The following SLC9A5 variants were observed in gnomAD, a reference collection of about 807,000 sequenced individuals.
SLC9A5 encodes the protein sodium/hydrogen exchanger 5.
In SLC9A5, 52 loss-of-function variants were observed where a neutral mutation model predicts 91.7. That is an observed-to-expected ratio of 0.57 (90% confidence interval 0.45 to 0.71). The LOEUF (loss-of-function observed/expected upper bound fraction) is 0.71, where lower values mean the gene tolerates loss of function less well. Among genes scored for constraint, SLC9A5 ranks in the 30% least tolerant of loss-of-function variants. SLC9A5 has a pLI of 0.00. For synonymous variants in SLC9A5, 419 were observed against 474.5 expected (o/e 0.88, Z 1.52); for missense variants, 871 against 1,158.9 (o/e 0.75, Z 3.61).
rs988412834 is a variant in SLC9A5 at position 67,270,636 on chromosome 16, T to C, written c.2219-102T>C. 1.2e-6 allele frequency: 1 copy of C among 853,914 alleles called. No homozygotes were observed. The highest frequency in any genetic ancestry group is 2.9e-5 in the Admixed American group (1 of 33,940). The allele number at this position is 853,914 out of a possible 1,614,324, so 52.9% of individuals were successfully genotyped here. A position where few individuals can be genotyped will look rare whatever the true frequency, so the allele number is the denominator to read the frequency against. On this transcript the variant is annotated intron_variant, in intron 15 of 15. Coordinates refer to ENST00000299798, the MANE Select transcript of SLC9A5 (RefSeq NM_004594.3). This position sits in a 1 kb window ranked among gnomAD's most constrained non-coding sequence, Gnocchi z 4.3. The stretch of plus-strand genomic sequence containing the variant: ...GACATTCATCCGATAATCGCAAAAA[T>C]GGACGGCATATGGAAACTGTGGCAT...
rs1400713979 is a variant in SLC9A5, at chr16:67,270,785, A to G, written c.2266A>G (p.Thr756Ala). Residue 756 changes from threonine (T) to alanine (A), a missense_variant, in exon 16 of 16, where the codon ACC (threonine) becomes GCC (alanine). Coordinates refer to ENST00000299798, the MANE Select transcript of SLC9A5 (RefSeq NM_004594.3). This position sits in a 1 kb window ranked among gnomAD's most constrained non-coding sequence, Gnocchi z 4.3. ...PSPRIIPPSP[T>A]CAEKELPWKS... is the part of the protein sequence containing the mutation. ...CCCACGAATCATTCCCCCCTCCCCA[A>G]CCTGTGCAGAAAAGGAGCTCCCCTG... The G allele has an allele frequency of 1.9e-6, 3 of 1,613,558 alleles. No individual in the cohort carries two copies. Among genetic ancestry groups the G allele is most frequent in the Admixed American group, 1.7e-5 (1 of 59,952 alleles).
At position 67,258,050 on chromosome 16, in the gene SLC9A5, A is replaced by G. The variant is rs1449171274; in HGVS notation, c.1497-268A>G. 1.3e-5 allele frequency among the ~76,000 whole-genome samples: 2 copies of G among 152,232 alleles called. No homozygotes were observed. The highest frequency in any genetic ancestry group is 2.4e-5 in the African/African-American group (1 of 41,468). ...TCCCTGGCCTCCCTGGCTAGGACGT[A>G]TCTGTGTCATATTCTCTAATTATCC... On this transcript the variant is annotated intron_variant, in intron 9 of 15. Coordinates refer to ENST00000299798, the MANE Select transcript of SLC9A5 (RefSeq NM_004594.3). This position sits in a 1 kb window ranked among gnomAD's most constrained non-coding sequence, Gnocchi z 4.5.
At chr16:67,254,298 T>C (rs2035232161) in intron 2 of SLC9A5, among the ~76,000 whole-genome samples, 1 of 152,228 alleles carries the variant, frequency 6.6e-6, no homozygotes, top group African/African-American at 2.4e-5. Flanking sequence ...GAAAGCACTC[T>C]CTTTTGTTAT....
chr16:67,264,615 C>A, intron 13 of SLC9A5, 93 bp downstream of exon 13: 2 of 1,333,664 alleles, frequency 1.5e-6, no homozygotes, highest in East Asian at 2.3e-5. Context: ...TTAGGGGGAA[C>A]CCCAGTTGGG....
At position 67,257,432 on chromosome 16, in the gene SLC9A5, C is replaced by T. The variant is rs774178473; in HGVS notation, c.1423C>T (p.His475Tyr). ...CACCCTGAACCAGGAGCTGCATGAA[C>T]ACGTGGGTATCAGAACCCCAGCCCT... ...KPTLNQELHE[H>Y]TFDHILAAVE... The change falls in exon 8 of 16, where the codon CAC (histidine) becomes TAC (tyrosine). Residue 475 changes from histidine to tyrosine, a missense_variant and splice_region_variant. Physicochemically the swap from His to Tyr is moderately conservative, Grantham distance 83. Around this residue, in one of 3 missense-constraint regions of SLC9A5, gnomAD observed 454 missense variants for 718.3 expected, o/e 0.63. Transcript: ENST00000299798. The surrounding 1 kb of genome is among the most constrained non-coding windows in gnomAD (Gnocchi z 5.1). 8.7e-6 allele frequency: 14 copies of T among 1,614,092 alleles called. No homozygotes were observed. In the South Asian group the frequency reaches 1.5e-4, roughly 18 times the overall value.
intron 15 of SLC9A5, among the ~76,000 whole-genome samples, chr16:67,267,025 A>C (rs1597364135): frequency 7.7e-6 from 1 of 130,216 alleles, no homozygotes; most frequent in African/African-American, 3.0e-5. Flanking sequence ...TGATCCTCCC[A>C]CCTCAGCTTC....
Position 67,271,278 on chromosome 16 carries a change from GC to G in SLC9A5, c.*71del. 7.2e-7 allele frequency: 1 copy of G among 1,398,590 alleles called. No homozygotes were observed. Among genetic ancestry groups the G allele is most frequent in the Non-Finnish European group, 9.8e-7 (1 of 1,018,906 alleles). 86.6% of individuals were successfully genotyped at this position (1,398,590 alleles called of 1,614,324 possible). A position where few individuals can be genotyped will look rare whatever the true frequency, so the allele number is the denominator to read the frequency against. On this transcript the variant is annotated 3_prime_UTR_variant, in exon 16 of 16. Transcript: ENST00000299798. Reference sequence around the variant, plus strand: ...AAGTGCTCCCTGGGTGATGGGTAGAGCCCTCGAAACTTGACATGGGGCCAGA... The same window carrying G: ...AAGTGCTCCCTGGGTGATGGGTAGAGCCTCGAAACTTGACATGGGGCCAGA...
intron 1 of SLC9A5, among the ~76,000 whole-genome samples, chr16:67,251,403 C>CTT (rs939453669): frequency 0.01 from 658 of 64,812 alleles, 165 homozygotes; most frequent in African/African-American, 0.039. Flanking sequence ...AGTAGATTGT[C>CTT]TTTTTTTTTT....
In SLC9A5 at chr16:67,257,975, C is replaced by T. The variant is rs997640970; in HGVS notation, c.1497-343C>T. The stretch of plus-strand genomic sequence containing the variant: ...CACCTCCCTCTCACTTACTCAGCTT[C>T]GATTCATCCTTCACAACTCACCATA... On this transcript the variant is annotated intron_variant, in intron 9 of 15. Transcript: ENST00000299798. The surrounding 1 kb of genome is among the most constrained non-coding windows in gnomAD (Gnocchi z 5.1). Among the ~76,000 whole-genome samples, 17 of 152,370 alleles carry T rather than the reference C, an allele frequency of 1.1e-4. No individual in the cohort carries two copies. Among genetic ancestry groups the T allele is most frequent in the African/African-American group, 3.4e-4 (14 of 41,598 alleles).
chr16:67,271,219 C>T lies in SLC9A5; in HGVS notation c.*9C>T. ...GAGGCAGCCGGCTGTAGCTCAAGGCCTCGGGGAGGAGCAGGAGGTGGAATC... is the reference window on the plus strand; with the variant it reads ...GAGGCAGCCGGCTGTAGCTCAAGGCTTCGGGGAGGAGCAGGAGGTGGAATC... On this transcript the variant is annotated 3_prime_UTR_variant, in exon 16 of 16. Coordinates refer to ENST00000299798, the MANE Select transcript of SLC9A5 (RefSeq NM_004594.3). The T allele has an allele frequency of 6.2e-7, 1 of 1,605,794 alleles. No homozygotes were observed. Among genetic ancestry groups the T allele is most frequent in the Non-Finnish European group, 8.5e-7 (1 of 1,177,284 alleles).
chr16:67,262,085 C>G (rs1230660815), intron 12 of SLC9A5: 2 of 331,900 alleles, frequency 6.0e-6, no homozygotes, highest in African/African-American at 4.3e-5. Context: ...TTGCTTTAGC[C>G]CATCATCCCA....
At position 67,251,705 on chromosome 16, in the gene SLC9A5, C is replaced by T. The variant is rs570760323; in HGVS notation, c.188-837C>T. Reference sequence around the variant, plus strand: ...CTGGGATTACAGGCATGAGCCACCGCGCCCCGCCTGTAGATTGTCTTTTTT... The same window carrying T: ...CTGGGATTACAGGCATGAGCCACCGTGCCCCGCCTGTAGATTGTCTTTTTT... On this transcript the variant is annotated intron_variant, in intron 1 of 15. Coordinates refer to ENST00000299798, the MANE Select transcript of SLC9A5 (RefSeq NM_004594.3). Among the ~76,000 whole-genome samples the T allele has an allele frequency of 5.9e-5, 9 of 152,022 alleles. No homozygotes were observed. In the East Asian group the frequency reaches 7.7e-4, roughly 13 times the overall value.
intron 15 of SLC9A5, among the ~76,000 whole-genome samples, chr16:67,266,467 C>CCAG (rs1228534792): frequency 6.6e-6 from 1 of 152,210 alleles, no homozygotes; most frequent in African/African-American, 2.4e-5. Context: ...TCCAGCATCA[C>CCAG]ATAGTAGAAC....
At position 67,255,984 on chromosome 16, in the gene SLC9A5, T is replaced by C; in HGVS notation, c.911+54T>C. ...AGCTGGGAGGGGGCACTGGAGATGG[T>C]TGCCCCTCATAGGGACACAGGCAGG... On this transcript the variant is annotated intron_variant, in intron 5 of 15. Transcript: ENST00000299798. The surrounding 1 kb of genome is among the most constrained non-coding windows in gnomAD (Gnocchi z 4.9). 6.4e-7 allele frequency: 1 copy of C among 1,572,252 alleles called. No individual in the cohort carries two copies. The highest frequency in any genetic ancestry group is 1.3e-5 in the African/African-American group (1 of 74,400).
rs773507513 is a variant in SLC9A5 at position 67,255,914 on chromosome 16, C to T, written c.895C>T (p.Leu299Phe). Residue 299 changes from leucine (L) to phenylalanine (F), a missense_variant, in exon 5 of 16, where the codon CTC (leucine) becomes TTC (phenylalanine). Transcript: ENST00000299798. The surrounding 1 kb of genome is among the most constrained non-coding windows in gnomAD (Gnocchi z 4.9). The stretch of plus-strand genomic sequence containing the variant: ...CTACCTCACTGCTGAAATGGCCTCG[C>T]TCTCCGCCATTCTTGCGTGAGTTCT... Reference protein sequence around the residue: ...AAYLTAEMASLSAILAVTMCG... With the variant: ...AAYLTAEMASFSAILAVTMCG... 6.2e-7 allele frequency: 1 copy of T among 1,613,450 alleles called. No homozygotes were observed. Among genetic ancestry groups the T allele is most frequent in the Non-Finnish European group, 8.5e-7 (1 of 1,179,884 alleles).
At position 67,271,177 on chromosome 16, in the gene SLC9A5, G is replaced by A. The variant is rs1489741192; in HGVS notation, c.2658G>A (p.Trp886Ter). ...GCCCAGGCACCGCTACCTCCCACTG[G>A]TGCATCCAGTTCAACAGAGGCAGCC... ...HLSPGTATSH[W>*]CIQFNRGSRL The change falls in exon 16 of 16, where the codon TGG becomes TGA. Residue 886 changes from tryptophan (W) to a stop codon, truncating the protein, a stop_gained. Transcript: ENST00000299798. LOFTEE classifies it high-confidence loss of function. 10 of 1,612,692 alleles carry A rather than the reference G, an allele frequency of 6.2e-6. No individual in the cohort carries two copies. Among genetic ancestry groups the A allele is most frequent in the Admixed American group, 3.3e-5 (2 of 60,006 alleles).
Position 67,266,104 on chromosome 16 carries a change from C to G in SLC9A5, c.2097C>G (p.Thr699=), listed in dbSNP as rs372783358. The change falls in exon 15 of 16, where the codon ACC becomes ACG. Residue 699 remains threonine, a synonymous_variant. Coordinates refer to ENST00000299798, the MANE Select transcript of SLC9A5 (RefSeq NM_004594.3). ...TCTGTCCAGCTGCTGTGATATTAAC[C>G]GTGGAGTCTGAGGAGGAGGAGGAGG... ...GFQDTAAVIL[T]VESEEEEEES... 6.2e-6 allele frequency: 10 copies of G among 1,611,538 alleles called. No homozygotes were observed. The Admixed American group carries it at 1.3e-4, about 22-fold the overall frequency.
intron 12 of SLC9A5, among the ~76,000 whole-genome samples, chr16:67,260,332 G>A (rs2035486910): frequency 8.6e-6 from 1 of 116,714 alleles, no homozygotes. Context: ...TCCAGCCTGG[G>A]TAACAGAGCA....
At chr16:67,260,373 A>AAAAAAAAAAAAAAAAAG (rs2035491744) in intron 12 of SLC9A5, among the ~76,000 whole-genome samples, 1 of 150,718 alleles carries the variant, frequency 6.6e-6, no homozygotes, top group African/African-American at 2.5e-5. Context: ...AAAAAAAAAA[A>AAAAAAAAAAAAAAAAAG]AAAAGAGTGT....
Sources: allele counts gnomAD v4.1 joint callset (sites outside exome capture counted in the v4.1 genomes callset), GRCh38; gene constraint gnomAD v4.1.1; regional missense constraint gnomAD v4.1.1; non-coding constraint Gnocchi (gnomAD v3.1); transcripts MANE v1.5; gene names NCBI Gene and HGNC (gene_info 2026-07-23, HGNC 2026-07-21).